Variants in KRT31 observed in about 807,000 individuals in gnomAD.
KRT31 encodes the protein keratin, type I cuticular Ha1.
In KRT31, 27 loss-of-function variants were observed where a neutral mutation model predicts 40.8. The ratio of observed to expected loss-of-function variants is 0.66; its 90% CI spans 0.49 to 0.91. The LOEUF (loss-of-function observed/expected upper bound fraction) is 0.91. Ranked by LOEUF, KRT31 falls within the 40% of genes least tolerant of loss-of-function variation. The pLI is 0.00. For synonymous variants in KRT31, 231 were observed against 231.9 expected, an observed-to-expected ratio of 1.00 and a Z score of 0.03; for missense variants, 510 against 544.1, an observed-to-expected ratio of 0.94 and a Z score of 0.62.
At chr17:41,396,891 G>C in intron 2 of KRT31, 22 bp downstream of exon 2, 1 of 1,587,022 alleles carries the variant, frequency 6.3e-7, no homozygotes, top group Middle Eastern at 1.7e-4. Flanking sequence ...ATTGACACTA[G>C]TGCAAATTCC....
At position 41,393,827 on chromosome 17, in the gene KRT31, A is replaced by G; in HGVS notation, c.*189T>C. 1 of 578,362 alleles carries G rather than the reference A, an allele frequency of 1.7e-6. No individual in the cohort carries two copies. Among genetic ancestry groups the G allele is most frequent in the Non-Finnish European group, 2.9e-6 (1 of 341,712 alleles). The allele number at this position is 578,362 out of a possible 1,614,324, so 35.8% of individuals were successfully genotyped here. A position where few individuals can be genotyped will look rare whatever the true frequency, so the allele number is the denominator to read the frequency against. On this transcript the variant is annotated 3_prime_UTR_variant, in exon 7 of 7. Transcript: ENST00000251645. Reference sequence around the variant, plus strand: ...AGGAAGGAACAGACCCCCAGGAAGGAAAGGGTGAGCAGGACAGTCTGGAGT... The same window carrying G: ...AGGAAGGAACAGACCCCCAGGAAGGGAAGGGTGAGCAGGACAGTCTGGAGT...
chr17:41,394,767 G>A, intron 6 of KRT31, 81 bp downstream of exon 6: 3 of 1,581,966 alleles, frequency 1.9e-6, no homozygotes, highest in South Asian at 1.2e-5. Context: ...TCCTTTCCAA[G>A]GTATGCAATA....
chr17:41,394,699 A>G, intron 6 of KRT31, 149 bp downstream of exon 6: 1 of 1,378,278 alleles, frequency 7.3e-7, no homozygotes, highest in South Asian at 1.5e-5. Flanking sequence ...GTTTTAAATG[A>G]TGGCCATATT....
intron 2 of KRT31, 109 bp from the exon 3 acceptor site, chr17:41,396,685 C>T: frequency 7.7e-7 from 1 of 1,302,102 alleles, no homozygotes. Context: ...AATGAATAGG[C>T]CCAGGAGACA....
rs749999706 is a variant in KRT31, at chr17:41,394,925, C to G, written c.1020G>C (p.Gln340His). 4.3e-6 allele frequency: 7 copies of G among 1,614,136 alleles called. No individual in the cohort carries two copies. In the African/African-American group the frequency reaches 8.0e-5, roughly 18 times the overall value. Reference sequence around the variant, plus strand: ...GCCGGGCACGCACATCCAGCAGCACCTGGTACTCCTGGTTCTGCCGCTCCA... The same window carrying G: ...GCCGGGCACGCACATCCAGCAGCACGTGGTACTCCTGGTTCTGCCGCTCCA... ...SDLERQNQEYQVLLDVRARLE... is the reference protein window; with the variant it reads ...SDLERQNQEYHVLLDVRARLE... The change falls in exon 6 of 7, where the codon CAG becomes CAC. Residue 340 changes from glutamine (Q) to histidine (H), a missense_variant. Transcript: ENST00000251645.
chr17:41,395,786 C>T (rs1052445315), intron 3 of KRT31, among the ~76,000 whole-genome samples, 163 bp from the exon 4 acceptor site: 1 of 152,178 alleles, frequency 6.6e-6, no homozygotes, highest in African/African-American at 2.4e-5. Context: ...TAGCCCCCTC[C>T]CCACCATCTG....
Position 41,395,075 on chromosome 17 carries a change from T to C in KRT31, c.877-7A>G. On this transcript the variant is annotated splice_region_variant and splice_polypyrimidine_tract_variant and intron_variant, in intron 5 of 6. Coordinates refer to ENST00000251645, the MANE Select transcript of KRT31 (RefSeq NM_002277.3). ...TGTTTTCCAGAGAGTCTCGCTGTGG[T>C]GGAGAAGATTGGGAATGTCAGAGAG... 1.2e-6 allele frequency: 2 copies of C among 1,614,074 alleles called. No individual in the cohort carries two copies. Among genetic ancestry groups the C allele is most frequent in the Non-Finnish European group, 1.7e-6 (2 of 1,179,940 alleles).
At chr17:41,394,798 T>TA in intron 6 of KRT31, 50 bp downstream of exon 6, 1 of 1,608,386 alleles carries the variant, frequency 6.2e-7, no homozygotes, top group Non-Finnish European at 8.5e-7. Context: ...GTCTAACTGT[T>TA]ACACTCACAC....
intron 3 of KRT31, 60 bp from the exon 4 acceptor site, chr17:41,395,683 G>T: frequency 6.4e-7 from 1 of 1,552,694 alleles, no homozygotes; most frequent in Non-Finnish European, 8.7e-7. Flanking sequence ...TCTAAGGAAT[G>T]GCATTGCTTG....
chr17:41,395,242 C>T lies in KRT31; in HGVS notation c.876+3G>A, dbSNP rs1486465087. 3.1e-6 allele frequency: 5 copies of T among 1,612,608 alleles called. No homozygotes were observed. Among genetic ancestry groups the T allele is most frequent in the Admixed American group, 1.7e-5 (1 of 60,010 alleles). ...CTCACCAGCAGGTCTGAACAATACA[C>T]ACCAGGTTGTGCTGGGCCTGCAGCT... On this transcript the variant is annotated splice_donor_region_variant and intron_variant, in intron 5 of 6. Transcript: ENST00000251645.
rs202028025 is a variant in KRT31, at chr17:41,394,861, T to C, written c.1084A>G (p.Ser362Gly). 1.7e-5 allele frequency: 27 copies of C among 1,614,006 alleles called. No homozygotes were observed. Among genetic ancestry groups the C allele is most frequent in the Admixed American group, 1.7e-4 (10 of 60,010 alleles). ...EINTYRSLLE[S>G]EDCNLPSNPC... is the part of the protein sequence containing the mutation. ...CCATGTACTCACTTGCAGTCCTCGC[T>C]CTCCAGCAGGCTCCGGTATGTGTTG... Residue 362 changes from serine (S) to glycine (G), a missense_variant, in exon 6 of 7, where the codon AGC becomes GGC. Physicochemically the swap from Ser to Gly is moderately conservative, Grantham distance 56. Transcript: ENST00000251645.
intron 6 of KRT31, 93 bp from the exon 7 acceptor site, chr17:41,394,262 A>T: frequency 7.2e-7 from 1 of 1,397,062 alleles, no homozygotes; most frequent in Non-Finnish European, 9.9e-7. Flanking sequence ...TGCCTGGGTC[A>T]AGGGACTTGA....
Position 41,395,261 on chromosome 17 carries a change from T to A in KRT31, c.860A>T (p.Gln287Leu), listed in dbSNP as rs1472916829. ...RTVNALEIEL[Q>L]AQHNLRDSLE... ...AATACACACCAGGTTGTGCTGGGCC[T>A]GCAGCTCGATCTCCAGGGCGTTGAC... The change falls in exon 5 of 7, where the codon CAG becomes CTG. Residue 287 changes from glutamine to leucine, a missense_variant. Physicochemically the swap from Gln to Leu is moderately radical, Grantham distance 113. Transcript: ENST00000251645. 6.2e-7 allele frequency: 1 copy of A among 1,612,768 alleles called. No homozygotes were observed. Among genetic ancestry groups the A allele is most frequent in the Non-Finnish European group, 8.5e-7 (1 of 1,180,030 alleles).
At position 41,393,869 on chromosome 17, in the gene KRT31, G is replaced by A. The variant is rs2018173435; in HGVS notation, c.*147C>T. The A allele has an allele frequency of 2.5e-6, 2 of 812,542 alleles. No homozygotes were observed. Among genetic ancestry groups the A allele is most frequent in the African/African-American group, 1.8e-5 (1 of 56,772 alleles). The allele number at this position is 812,542 out of a possible 1,614,324, so 50.3% of individuals were successfully genotyped here. ...GTCTGGAGTAGTTGGGGAGGCTACA[G>A]GCTTTGGGTGAGTTTCTTGGCTGCC... On this transcript the variant is annotated 3_prime_UTR_variant, in exon 7 of 7. Coordinates refer to ENST00000251645, the MANE Select transcript of KRT31 (RefSeq NM_002277.3).
Position 41,396,565 on chromosome 17 carries a change from T to G in KRT31, c.443A>C (p.Glu148Ala). Reference protein sequence around the residue: ...ADDFRTKYQTELSLRQLVESD... With the variant: ...ADDFRTKYQTALSLRQLVESD... ...CTCCACCAGCTGCCGCAGGGACAGC[T>G]CGGTCTGGTACCTGCGCAAGGACAG... The change falls in exon 3 of 7, where the codon GAG becomes GCG. Residue 148 changes from glutamate (E) to alanine (A), a missense_variant. Physicochemically the swap from Glu to Ala is moderately radical, Grantham distance 107. Coordinates refer to ENST00000251645, the MANE Select transcript of KRT31 (RefSeq NM_002277.3). The G allele has an allele frequency of 6.2e-7, 1 of 1,613,992 alleles. No individual in the cohort carries two copies. Among genetic ancestry groups the G allele is most frequent in the Non-Finnish European group, 8.5e-7 (1 of 1,179,904 alleles).
intron 3 of KRT31, 151 bp downstream of exon 3, chr17:41,396,269 T>A: frequency 1.5e-6 from 1 of 680,826 alleles, no homozygotes; most frequent in South Asian, 2.3e-5. Flanking sequence ...GAACAGGTCT[T>A]ATCTCTCTCC....
intron 6 of KRT31, among the ~76,000 whole-genome samples, chr17:41,394,556 A>G (rs545881916): frequency 7.9e-5 from 12 of 152,246 alleles, no homozygotes; most frequent in Non-Finnish European, 1.8e-4. Flanking sequence ...CCCACTAGGC[A>G]ATACAGTATT....
At chr17:41,394,288 A>T in intron 6 of KRT31, 119 bp from the exon 7 acceptor site, 1 of 1,027,532 alleles carries the variant, frequency 9.7e-7, no homozygotes, top group South Asian at 1.4e-5. Context: ...CCTAGAACAG[A>T]AAAGGCACAG....
intron 6 of KRT31, 36 bp downstream of exon 6, chr17:41,394,812 C>A (rs1259952401): frequency 1.9e-5 from 31 of 1,611,422 alleles, no homozygotes; most frequent in Non-Finnish European, 2.2e-5. Context: ...CTCACACGTG[C>A]ATCATTTCAT....
Sources: allele counts gnomAD v4.1 joint callset (sites outside exome capture counted in the v4.1 genomes callset), GRCh38; gene constraint gnomAD v4.1.1; transcripts MANE v1.5; gene names NCBI Gene and HGNC (gene_info 2026-07-23, HGNC 2026-07-21).